Variants in ZNF521 observed in about 807,000 individuals in gnomAD.
ZNF521 encodes LYST-interacting protein 3.
Under a neutral mutation model 105.5 loss-of-function variants are expected in ZNF521, and 14 were observed. That is an observed-to-expected ratio of 0.13 (90% confidence interval 0.09 to 0.21). The LOEUF is 0.21. Ranked by LOEUF, ZNF521 falls within the 10% of genes least tolerant of loss-of-function variation. The pLI is 1.00. For missense variants in ZNF521, 1,233 were observed against 1,629.7 expected, an observed-to-expected ratio of 0.76 and a Z score of 4.19; for synonymous variants, 635 against 606.0, an observed-to-expected ratio of 1.05 and a Z score of -0.70.
intron 2 of ZNF521, among the ~76,000 whole-genome samples, chr18:25,348,973 G>A (rs1914581395): frequency 6.6e-6 from 1 of 152,156 alleles, no homozygotes; most frequent in Admixed American, 6.5e-5. Flanking sequence ...AACTTTCGCT[G>A]TAAATTCACT....
intron 3 of ZNF521, among the ~76,000 whole-genome samples, chr18:25,290,483 C>A (rs576442472): frequency 6.6e-6 from 1 of 152,258 alleles, no homozygotes; most frequent in Non-Finnish European, 1.5e-5. Flanking sequence ...GCCCAGAGTA[C>A]TGACTGCAAA....
rs541372823 is a variant in ZNF521, at chr18:25,292,766, C to A, written c.220+29242G>T. Among the ~76,000 whole-genome samples the A allele has an allele frequency of 1.1e-4, 17 of 152,174 alleles. 1 individual carries two copies. The highest frequency in any genetic ancestry group is 1.5e-5 in the Non-Finnish European group (1 of 68,024). On this transcript the variant is annotated intron_variant, in intron 3 of 7. Coordinates refer to ENST00000361524, the MANE Select transcript of ZNF521 (RefSeq NM_015461.3). The stretch of plus-strand genomic sequence containing the variant: ...TTTACTGGACTGCAATTAATTCAAA[C>A]ATGAAAGTGGGAGATGAGGGGATTA...
intron 3 of ZNF521, among the ~76,000 whole-genome samples, chr18:25,275,775 G>A (rs1909991074): frequency 6.6e-6 from 1 of 152,162 alleles, no homozygotes; most frequent in African/African-American, 2.4e-5. Context: ...GATTGCCTAC[G>A]CCACGGAGAC....
chr18:25,217,481 G>C (rs937084393), intron 4 of ZNF521, among the ~76,000 whole-genome samples: 4 of 152,178 alleles, frequency 2.6e-5, no homozygotes, highest in African/African-American at 7.2e-5. Context: ...TTACTAAAAT[G>C]ATGGAAGTCT....
intron 3 of ZNF521, chr18:25,302,004 T>C (rs1283152730): frequency 6.6e-6 from 1 of 152,180 alleles, no homozygotes; most frequent in Non-Finnish European, 1.5e-5. Flanking sequence ...GTCTAAATCA[T>C]GACAGAGCCA....
At chr18:25,351,018 CCCTCGGGCCGCGGCG>C (rs1002735545) in intron 1 of ZNF521, 71 bp from the exon 2 acceptor site, 11 of 1,329,448 alleles carry the variant, frequency 8.3e-6, no homozygotes, top group Non-Finnish European at 1.1e-5. Context: ...GGCCGCGCGC[CCCTCGGGCCGCGGCG>C]CCTCGCGCCC....
At chr18:25,122,703 T>G (rs1029084488) in intron 5 of ZNF521, among the ~76,000 whole-genome samples, 2 of 152,174 alleles carry the variant, frequency 1.3e-5, no homozygotes, top group African/African-American at 4.8e-5. Flanking sequence ...TCCCTCTGAT[T>G]GGAATGCAGG....
At chr18:25,282,116 C>T (rs1392513018) in intron 3 of ZNF521, among the ~76,000 whole-genome samples, 1 of 151,860 alleles carries the variant, frequency 6.6e-6, no homozygotes, top group East Asian at 1.9e-4. Context: ...CCAAGGGTTC[C>T]AAAAAACAAC....
At chr18:25,167,786 C>T (rs943214727) in intron 5 of ZNF521, among the ~76,000 whole-genome samples, 6 of 152,046 alleles carry the variant, frequency 3.9e-5, no homozygotes, top group African/African-American at 9.7e-5. Flanking sequence ...GGTGTCTGAA[C>T]GGAGAGAAAG....
intron 5 of ZNF521, among the ~76,000 whole-genome samples, chr18:25,138,388 T>G (rs1174332402): frequency 3.9e-5 from 6 of 152,104 alleles, no homozygotes; most frequent in African/African-American, 1.4e-4. Flanking sequence ...AGGTACAATT[T>G]GTACCTATCT....
At chr18:25,258,524 A>G (rs1908676777) in intron 3 of ZNF521, among the ~76,000 whole-genome samples, 1 of 152,196 alleles carries the variant, frequency 6.6e-6, no homozygotes, top group Non-Finnish European at 1.5e-5. Flanking sequence ...TCCTAATGGC[A>G]ATATGTTAAA....
rs2034113977 is a variant in ZNF521, at chr18:25,108,301, TA to T, written c.3659-16221del. Among the ~76,000 whole-genome samples the T allele has an allele frequency of 3.3e-5, 5 of 152,188 alleles. No individual in the cohort carries two copies. In the South Asian group the frequency reaches 1.0e-3, roughly 32 times the overall value. ...TTTTTTCAATGACTTAATTTATGAT[TA>T]AAAAATTTTTATAGGTGCCAAATTA... On this transcript the variant is annotated intron_variant, in intron 5 of 7. Coordinates refer to ENST00000361524, the MANE Select transcript of ZNF521 (RefSeq NM_015461.3).
At chr18:25,152,269 A>C (rs558573933) in intron 5 of ZNF521, among the ~76,000 whole-genome samples, 134 of 152,238 alleles carry the variant, frequency 8.8e-4, no homozygotes, top group African/African-American at 3.0e-3. Context: ...ACTTGAGGTC[A>C]GGAGTTTGAG....
chr18:25,162,326 A>T (rs1600106049), intron 5 of ZNF521, among the ~76,000 whole-genome samples: 2 of 152,214 alleles, frequency 1.3e-5, no homozygotes, highest in East Asian at 3.9e-4. Flanking sequence ...TAAAGATACA[A>T]AATAAAGATA....
intron 3 of ZNF521, among the ~76,000 whole-genome samples, chr18:25,257,247 A>T (rs1185548910): frequency 3.9e-5 from 6 of 152,250 alleles, no homozygotes; most frequent in African/African-American, 1.4e-4. Flanking sequence ...TTTAGAAAAG[A>T]TCTATTTTAG....
intron 4 of ZNF521, among the ~76,000 whole-genome samples, chr18:25,216,509 C>A (rs1403593777): frequency 6.6e-6 from 1 of 152,130 alleles, no homozygotes; most frequent in African/African-American, 2.4e-5. Flanking sequence ...ATTTACTGAG[C>A]CCTTATGATA....
At chr18:25,120,705 TA>T (rs890960623) in intron 5 of ZNF521, among the ~76,000 whole-genome samples, 93 of 151,934 alleles carry the variant, frequency 6.1e-4, no homozygotes, top group Admixed American at 2.6e-4. Flanking sequence ...TTGATAGATA[TA>T]AAAAAAAGGA....
intron 3 of ZNF521, among the ~76,000 whole-genome samples, chr18:25,294,012 A>G (rs1911181533): frequency 6.6e-6 from 1 of 152,174 alleles, no homozygotes; most frequent in South Asian, 2.1e-4. Flanking sequence ...GTAACCTACA[A>G]TCTTAAAAGG....
chr18:25,244,649 C>T (rs1600205778), intron 3 of ZNF521, among the ~76,000 whole-genome samples: 1 of 152,196 alleles, frequency 6.6e-6, no homozygotes. Context: ...ACTGTTGTTC[C>T]AGCGGTCTCT....
Sources: allele counts gnomAD v4.1 joint callset (sites outside exome capture counted in the v4.1 genomes callset), GRCh38; gene constraint gnomAD v4.1.1; transcripts MANE v1.5; gene names NCBI Gene and HGNC (gene_info 2026-07-23, HGNC 2026-07-21).